RAB3C: variants seen among roughly 807,000 people sequenced by gnomAD.
RAB3C encodes the protein RAB3C, member RAS oncogene family, also known as ras-related protein Rab-3C.
In RAB3C, 17 loss-of-function variants were observed where a neutral mutation model predicts 26.4. The ratio of observed to expected loss-of-function variants is 0.64; its 90% CI spans 0.44 to 0.97. The LOEUF (loss-of-function observed/expected upper bound fraction) is 0.97, where lower values mean the gene tolerates loss of function less well. RAB3C is among the 50% of genes least tolerant of loss of function. RAB3C has a pLI of 0.00. For missense variants in RAB3C, 242 were observed against 281.9 expected (o/e 0.86, Z 1.01); for synonymous variants, 91 against 95.9 (o/e 0.95, Z 0.30).
intron 1 of RAB3C, among the ~76,000 whole-genome samples, chr5:58,595,541 T>A (rs956376910): frequency 1.3e-5 from 2 of 152,160 alleles, no homozygotes; most frequent in African/African-American, 4.8e-5. Context: ...CATATATGTG[T>A]CCTGGCTTCC....
At chr5:58,673,045 T>A (rs948465365) in intron 2 of RAB3C, among the ~76,000 whole-genome samples, 1 of 152,066 alleles carries the variant, frequency 6.6e-6, no homozygotes, top group Non-Finnish European at 1.5e-5. Flanking sequence ...TGGAGTTGGG[T>A]TTTGTTGGGG....
chr5:58,753,379 A>C (rs571538816), intron 3 of RAB3C, among the ~76,000 whole-genome samples: 4 of 152,166 alleles, frequency 2.6e-5, no homozygotes, highest in African/African-American at 9.7e-5. Flanking sequence ...CTTAAAAGTA[A>C]ATTTTAAGAA....
At chr5:58,813,300 C>T (rs528479394) in intron 3 of RAB3C, among the ~76,000 whole-genome samples, 30 of 152,206 alleles carry the variant, frequency 2.0e-4, no homozygotes, top group African/African-American at 7.0e-4. Context: ...CTGACTCCCA[C>T]TAGAGTGACC....
At chr5:58,807,050 G>A (rs184754622) in intron 3 of RAB3C, among the ~76,000 whole-genome samples, 19 of 152,308 alleles carry the variant, frequency 1.2e-4, no homozygotes, top group East Asian at 9.6e-4. Context: ...AGAATCGCCT[G>A]AGTAATATAA....
At chr5:58,686,565 A>G (rs1471824300) in intron 2 of RAB3C, among the ~76,000 whole-genome samples, 6 of 152,134 alleles carry the variant, frequency 3.9e-5, no homozygotes, top group African/African-American at 1.2e-4. Context: ...TTTTGCTATG[A>G]CTGATTATGG....
chr5:58,830,519 A>C (rs2662389), intron 4 of RAB3C, among the ~76,000 whole-genome samples: 83,636 of 151,958 alleles, frequency 0.55, 23,499 homozygotes, highest in Middle Eastern at 0.71. Context: ...ACCTAGCCAG[A>C]AAAGTGGATT....
chr5:58,820,999 T>C (rs1006572456), intron 3 of RAB3C, among the ~76,000 whole-genome samples: 1 of 152,126 alleles, frequency 6.6e-6, no homozygotes, highest in Non-Finnish European at 1.5e-5. Flanking sequence ...AGCTAGTAGG[T>C]TGTGAGTTAT....
chr5:58,827,965 C>T (rs539406575), intron 4 of RAB3C, among the ~76,000 whole-genome samples: 1 of 152,270 alleles, frequency 6.6e-6, no homozygotes, highest in East Asian at 1.9e-4. Context: ...AAAGTCATTA[C>T]CACATCTTGG....
At chr5:58,839,339 TAA>T (rs1743823123) in intron 4 of RAB3C, among the ~76,000 whole-genome samples, 2 of 136,450 alleles carry the variant, frequency 1.5e-5, no homozygotes, top group South Asian at 2.4e-4. Flanking sequence ...TCTGTAATGA[TAA>T]GTTTTTATTT....
chr5:58,816,556 C>G (rs1743222302), intron 3 of RAB3C, among the ~76,000 whole-genome samples: 1 of 152,142 alleles, frequency 6.6e-6, no homozygotes, highest in Non-Finnish European at 1.5e-5. Context: ...CCAACAAGCA[C>G]AGAAGTGGTA....
At chr5:58,592,483 A>G (rs920160468) in intron 1 of RAB3C, among the ~76,000 whole-genome samples, 2 of 152,078 alleles carry the variant, frequency 1.3e-5, no homozygotes, top group South Asian at 2.1e-4. Flanking sequence ...GAAAAAATGT[A>G]TATTTATTTG....
At chr5:58,734,021 A>G (rs1561304047) in intron 3 of RAB3C, among the ~76,000 whole-genome samples, 1 of 152,150 alleles carries the variant, frequency 6.6e-6, no homozygotes, top group Non-Finnish European at 1.5e-5. Flanking sequence ...ATAAATATAG[A>G]GGTTTTTTAA....
At chr5:58,760,491 C>T (rs1205095436) in intron 3 of RAB3C, among the ~76,000 whole-genome samples, 1 of 152,144 alleles carries the variant, frequency 6.6e-6, no homozygotes, top group Non-Finnish European at 1.5e-5. Context: ...CATGGCGGCT[C>T]ACTGTAAGCC....
intron 1 of RAB3C, among the ~76,000 whole-genome samples, chr5:58,592,577 G>A (rs548520786): frequency 6.6e-6 from 1 of 152,146 alleles, no homozygotes; most frequent in South Asian, 2.1e-4. Context: ...ACCTCGATTA[G>A]CATTTCCTGT....
At chr5:58,605,114 G>C (rs957591897) in intron 1 of RAB3C, among the ~76,000 whole-genome samples, 1 of 152,204 alleles carries the variant, frequency 6.6e-6, no homozygotes, top group Non-Finnish European at 1.5e-5. Flanking sequence ...GTTTGGGAGA[G>C]GAGGGCCTCC....
chr5:58,683,766 C>T (rs1298410133), intron 2 of RAB3C, among the ~76,000 whole-genome samples: 1 of 152,182 alleles, frequency 6.6e-6, no homozygotes, highest in Non-Finnish European at 1.5e-5. Flanking sequence ...TCCATACTAT[C>T]CACACTGCAT....
At chr5:58,781,421 T>C (rs1742267544) in intron 3 of RAB3C, among the ~76,000 whole-genome samples, 1 of 152,190 alleles carries the variant, frequency 6.6e-6, no homozygotes, top group Non-Finnish European at 1.5e-5. Context: ...GAGTTCTTCA[T>C]CTGAATATGA....
At chr5:58,630,672 A>G (rs1289181698) in intron 2 of RAB3C, among the ~76,000 whole-genome samples, 1 of 152,220 alleles carries the variant, frequency 6.6e-6, no homozygotes, top group Non-Finnish European at 1.5e-5. Flanking sequence ...GAGAAAGACA[A>G]TGAGAAAGGC....
Position 58,824,249 on chromosome 5 carries a change from C to A in RAB3C, c.372-789C>A, listed in dbSNP as rs141554956. Among the ~76,000 whole-genome samples, 401 of 151,562 alleles carry A rather than the reference C, an allele frequency of 2.6e-3. 3 individuals are homozygous for A. Among genetic ancestry groups the A allele is most frequent in the African/African-American group, 9.3e-3 (384 of 41,158 alleles). ...CCTTTGGGTATATACCCTGCAAAAA[C>A]AATAAACTTATTGGCTAAGCAGGTT... is the stretch of plus-strand genomic sequence containing the variant. On this transcript the variant is annotated intron_variant, in intron 3 of 4. Coordinates refer to ENST00000282878, the MANE Select transcript of RAB3C (RefSeq NM_138453.4).
Sources: gnomAD v4.1 joint callset for allele counts (sites outside exome capture counted in the v4.1 genomes callset) on GRCh38, gnomAD v4.1.1 for gene constraint, MANE v1.5 for transcripts, NCBI Gene and HGNC (gene_info 2026-07-23, HGNC 2026-07-21) for gene names.